ZFHX3: variants seen among roughly 807,000 people sequenced by gnomAD.
The protein encoded by ZFHX3 is zinc finger homeobox protein 3.
A neutral mutation model predicts 279.1 loss-of-function variants in ZFHX3; 42 were observed. The ratio of observed to expected loss-of-function variants is 0.15; its 90% confidence interval spans 0.12 to 0.19. The LOEUF (loss-of-function observed/expected upper bound fraction) is 0.19, where lower values mean the gene tolerates loss of function less well. ZFHX3 is among the 10% of genes least tolerant of loss of function. The pLI, the probability that ZFHX3 is intolerant of heterozygous loss-of-function variation, is 1.00. For synonymous variants in ZFHX3, 2,293 were observed against 1,957.8 expected (o/e 1.17, Z -4.52); for missense variants, 4,981 against 4,754.0 (o/e 1.05, Z -1.40).
At chr16:73,494,351 G>C (rs1305216385) in intron 2 of ZFHX3, among the ~76,000 whole-genome samples, 1 of 152,144 alleles carries the variant, frequency 6.6e-6, no homozygotes, top group African/African-American at 2.4e-5. Context: ...AGAAAGGAAA[G>C]CGAGTGGAAA....
chr16:72,783,650 A>G lies in ZFHX3; in HGVS notation c.*3514T>C, dbSNP rs1383006674. ...GTGTAGATATGTGGTTTTTGGAAGG[A>G]TGGAGGAAAGATGGATGAAATAACT... is the stretch of plus-strand genomic sequence containing the variant. On this transcript the variant is annotated 3_prime_UTR_variant, in exon 10 of 10. Transcript: ENST00000268489. The G allele has an allele frequency of 6.7e-6, 1 of 150,086 alleles. No individual in the cohort carries two copies. The highest frequency in any genetic ancestry group is 2.0e-4 in the East Asian group (1 of 5,060). 9.3% of individuals were successfully genotyped at this position (150,086 alleles called of 1,614,324 possible). A position where few individuals can be genotyped will look rare whatever the true frequency, so the allele number is the denominator to read the frequency against.
chr16:73,856,645 A>G (rs894033340), intron 1 of ZFHX3, among the ~76,000 whole-genome samples: 3 of 152,228 alleles, frequency 2.0e-5, no homozygotes, highest in African/African-American at 7.2e-5. Flanking sequence ...TGAATACTTC[A>G]TTTAACAATT....
intron 2 of ZFHX3, among the ~76,000 whole-genome samples, chr16:73,636,212 C>G (rs1463612927): frequency 6.6e-6 from 1 of 152,166 alleles, no homozygotes; most frequent in East Asian, 1.9e-4. Flanking sequence ...CTAGACTCCT[C>G]AAGATCATTA....
intron 2 of ZFHX3, among the ~76,000 whole-genome samples, chr16:73,533,906 CT>C (rs2019849850): frequency 6.6e-6 from 1 of 152,180 alleles, no homozygotes; most frequent in African/African-American, 2.4e-5. Flanking sequence ...CTAGTCAGTG[CT>C]AACAGCATTT....
chr16:72,788,209 G>A lies in ZFHX3; in HGVS notation c.10067C>T (p.Ser3356Phe), dbSNP rs751339277. ...PALSQALMGLSPGSLLQQYQQ... is the reference protein window; with the variant it reads ...PALSQALMGLFPGSLLQQYQQ... ...GTACTGCTGCAGTAGGGAGCCTGGG[G>A]ACAGCCCCATCAGGGCCTGCGACAG... The change falls in exon 10 of 10, where the codon TCC (serine) becomes TTC (phenylalanine). Residue 3356 changes from serine (S) to phenylalanine (F), a missense_variant. Physicochemically the swap from Ser to Phe is radical, Grantham distance 155. Coordinates refer to ENST00000268489, the MANE Select transcript of ZFHX3 (RefSeq NM_006885.4). 3 of 1,613,102 alleles carry A rather than the reference G, an allele frequency of 1.9e-6. No individual in the cohort carries two copies. The highest frequency in any genetic ancestry group is 2.2e-5 in the South Asian group (2 of 91,050).
At chr16:73,760,926 T>G (rs1209108211) in intron 1 of ZFHX3, among the ~76,000 whole-genome samples, 2 of 151,220 alleles carry the variant, frequency 1.3e-5, no homozygotes, top group East Asian at 3.9e-4. Flanking sequence ...AAGACAAGGA[T>G]GCCCTCTTTC....
At chr16:72,883,009 T>TGTGTGTG (rs1265231513) in intron 4 of ZFHX3, among the ~76,000 whole-genome samples, 1 of 142,832 alleles carries the variant, frequency 7.0e-6, no homozygotes, top group South Asian at 2.3e-4. Flanking sequence ...TGTGTGTGTG[T>TGTGTGTG]GTGTGTGTGT....
At chr16:73,285,978 A>C (rs2014585298) in intron 4 of ZFHX3, among the ~76,000 whole-genome samples, 1 of 152,198 alleles carries the variant, frequency 6.6e-6, no homozygotes, top group Admixed American at 6.5e-5. Flanking sequence ...CTTTTGTAAA[A>C]CGCGTATTTA....
At chr16:72,926,685 A>G (rs1340724568) in intron 3 of ZFHX3, among the ~76,000 whole-genome samples, 1 of 152,208 alleles carries the variant, frequency 6.6e-6, no homozygotes, top group East Asian at 1.9e-4. Context: ...ACATTTCTGT[A>G]AATCAGCCAA....
chr16:73,356,520 C>T lies in ZFHX3; in HGVS notation c.-1290-38184G>A, dbSNP rs539201241. 6.4e-4 allele frequency among the ~76,000 whole-genome samples: 98 copies of T among 152,144 alleles called. 1 individual carries two copies. Among genetic ancestry groups the T allele is most frequent in the Non-Finnish European group, 1.1e-3 (76 of 67,994 alleles). On this transcript the variant is annotated intron_variant, in intron 3 of 17. Coordinates refer to the ZFHX3 transcript ENST00000641206. ...GACCCCTCACGGCGGTGACACATGCCTTGTTCTACATGCTAAAGACCAATG... is the reference window on the plus strand; with the variant it reads ...GACCCCTCACGGCGGTGACACATGCTTTGTTCTACATGCTAAAGACCAATG...
chr16:72,883,403 T>A (rs1297590362), intron 4 of ZFHX3, among the ~76,000 whole-genome samples: 1 of 152,144 alleles, frequency 6.6e-6, no homozygotes, highest in Admixed American at 6.5e-5. Flanking sequence ...AAAATCTCTA[T>A]CAACAAGCAC....
intron 3 of ZFHX3, among the ~76,000 whole-genome samples, chr16:73,375,731 T>A (rs1262731366): frequency 6.6e-6 from 1 of 152,194 alleles, no homozygotes; most frequent in Non-Finnish European, 1.5e-5. Flanking sequence ...AAATACTTAT[T>A]TGCTTTATCC....
intron 5 of ZFHX3, among the ~76,000 whole-genome samples, chr16:72,822,477 A>G (rs1233125371): frequency 6.6e-6 from 1 of 152,230 alleles, no homozygotes; most frequent in Non-Finnish European, 1.5e-5. Flanking sequence ...GGACCCAAGA[A>G]GAATATGAGA....
intron 1 of ZFHX3, among the ~76,000 whole-genome samples, chr16:73,686,572 A>AGGTT (rs1236808364): frequency 6.6e-6 from 1 of 152,166 alleles, no homozygotes; most frequent in Non-Finnish European, 1.5e-5. Context: ...AGAAGTCAAG[A>AGGTT]GGTTGGTCTC....
At position 73,491,504 on chromosome 16, in the gene ZFHX3, C is replaced by G. The variant is rs149118218; in HGVS notation, c.-1546-35246G>C. On this transcript the variant is annotated intron_variant, in intron 2 of 17. Coordinates refer to the ZFHX3 transcript ENST00000641206. ...AAGATTTCAAACTGTAGGCATGTGA[C>G]TTGTGCTAAACCATTCAGAAATCCG... Among the ~76,000 whole-genome samples, 1,434 of 152,292 alleles carry G rather than the reference C, an allele frequency of 9.4e-3. 24 individuals are homozygous for G. Among genetic ancestry groups the G allele is most frequent in the African/African-American group, 0.031 (1,299 of 41,562 alleles).
At chr16:73,199,125 C>G (rs903482188) in intron 5 of ZFHX3, among the ~76,000 whole-genome samples, 10 of 152,216 alleles carry the variant, frequency 6.6e-5, no homozygotes, top group African/African-American at 2.4e-4. Context: ...ACTTTGGAAA[C>G]TGATGTCCAG....
At position 73,170,223 on chromosome 16, in the gene ZFHX3, G is replaced by GTTTTTTT. The variant is rs1156523996; in HGVS notation, c.-1103-26399_-1103-26393dup. ...TTTTTGAAGCATCTTCCTTTCACTA[G>GTTTTTTT]TTTTTTTTTTTTTTTTTTTTTTTTT... is the stretch of plus-strand genomic sequence containing the variant. On this transcript the variant is annotated intron_variant, in intron 5 of 17. Coordinates refer to the ZFHX3 transcript ENST00000641206. Among the ~76,000 whole-genome samples, 47 of 57,748 alleles carry GTTTTTTT rather than the reference G, an allele frequency of 8.1e-4. 7 individuals carry two copies. Among genetic ancestry groups the GTTTTTTT allele is most frequent in the South Asian group, 1.9e-3 (2 of 1,052 alleles). The allele number at this position is 57,748 out of a possible 152,430, so 37.9% of individuals were successfully genotyped here.
At chr16:72,929,956 G>A (rs1412370152) in intron 3 of ZFHX3, among the ~76,000 whole-genome samples, 1 of 152,232 alleles carries the variant, frequency 6.6e-6, no homozygotes, top group Non-Finnish European at 1.5e-5. Context: ...GGTGGCTCAC[G>A]CCTGTAATCC....
At chr16:73,439,898 G>A (rs1443910734) in intron 3 of ZFHX3, among the ~76,000 whole-genome samples, 1 of 112,806 alleles carries the variant, frequency 8.9e-6, no homozygotes, top group East Asian at 2.5e-4. Flanking sequence ...GGGGCAGGAA[G>A]GGGAGAGGGA....
Sources: gnomAD v4.1 joint callset for allele counts (sites outside exome capture counted in the v4.1 genomes callset) on GRCh38, gnomAD v4.1.1 for gene constraint, MANE v1.5 for transcripts, NCBI Gene and HGNC (gene_info 2026-07-23, HGNC 2026-07-21) for gene names.